Variants in CTBP2 observed in about 807,000 individuals in gnomAD.
The protein encoded by CTBP2 is C-terminal binding protein 2.
A neutral mutation model predicts 80.3 loss-of-function variants in CTBP2; 30 were observed. That is an observed-to-expected ratio of 0.37 (90% CI 0.28 to 0.51). The LOEUF is 0.51. CTBP2 is among the 20% of genes least tolerant of loss of function. The pLI is 0.93. For synonymous variants in CTBP2, 594 were observed against 587.4 expected (o/e 1.01, Z -0.16); for missense variants, 1,212 against 1,375.3 (o/e 0.88, Z 1.88).
chr10:125,094,779 C>T (rs1028865360), intron 2 of CTBP2, among the ~76,000 whole-genome samples: 8 of 152,168 alleles, frequency 5.3e-5, no homozygotes, highest in African/African-American at 1.9e-4. Flanking sequence ...AGTAGAAACT[C>T]CTGCCTTAAA....
intron 2 of CTBP2, among the ~76,000 whole-genome samples, chr10:125,102,828 G>A (rs938314384): frequency 6.6e-6 from 1 of 152,160 alleles, no homozygotes; most frequent in Admixed American, 6.5e-5. Flanking sequence ...GCTTTGTCTC[G>A]AGGGACCCAG....
intron 2 of CTBP2, among the ~76,000 whole-genome samples, chr10:125,064,065 A>T (rs901382347): frequency 1.3e-5 from 2 of 152,228 alleles, no homozygotes; most frequent in African/African-American, 4.8e-5. Context: ...TAAAAAAATA[A>T]ATCACTGCCA....
intron 1 of CTBP2, chr10:125,122,590 C>T (rs1008773289): frequency 3.3e-5 from 5 of 152,242 alleles, no homozygotes; most frequent in African/African-American, 1.2e-4. Context: ...AGCCCAAGGG[C>T]TGTTTCTTCA....
chr10:125,152,434 G>A (rs113735946), intron 1 of CTBP2, among the ~76,000 whole-genome samples: 1 of 152,222 alleles, frequency 6.6e-6, no homozygotes, highest in Non-Finnish European at 1.5e-5. Flanking sequence ...GGATCGCAGG[G>A]GTTCCAGGCG....
At position 124,987,384 on chromosome 10, in the gene CTBP2, T is replaced by C. The variant is rs1035782573; in HGVS notation, c.*2134A>G. 6.6e-6 allele frequency: 1 copy of C among 151,870 alleles called. No individual in the cohort carries two copies. Among genetic ancestry groups the C allele is most frequent in the Non-Finnish European group, 1.5e-5 (1 of 67,972 alleles). 9.4% of individuals were successfully genotyped at this position (151,870 alleles called of 1,614,324 possible). On this transcript the variant is annotated 3_prime_UTR_variant, in exon 9 of 9. Coordinates refer to ENST00000309035, the MANE Select transcript of CTBP2 (RefSeq NM_022802.3). The stretch of plus-strand genomic sequence containing the variant: ...AATTTATATATATATATATAAATTT[T>C]TGTTTGGGCGACCAAGATCTAATAA...
intron 1 of CTBP2, among the ~76,000 whole-genome samples, chr10:125,117,020 C>T (rs1036357508): frequency 1.3e-5 from 2 of 152,214 alleles, no homozygotes; most frequent in African/African-American, 4.8e-5. Context: ...CGCCTCCTTT[C>T]CTGCGTACCA....
Position 125,003,410 on chromosome 10 carries a change from C to T in CTBP2, c.1761G>A (p.Glu587=). 6.2e-7 allele frequency: 1 copy of T among 1,602,848 alleles called. No individual in the cohort carries two copies. Among genetic ancestry groups the T allele is most frequent in the Non-Finnish European group, 8.5e-7 (1 of 1,177,400 alleles). The change falls in exon 2 of 9, where the codon GAG becomes GAA. Residue 587 remains glutamate, a synonymous_variant. Transcript: ENST00000309035. ...TGGCCAGGTCCTTCAGGATGGGCAT[C>T]TCCACAGTGCAGTCGCGGCCGTCCA...
At chr10:125,123,934 G>A (rs7901224) in intron 1 of CTBP2, among the ~76,000 whole-genome samples, 6,851 of 152,286 alleles carry the variant, frequency 0.045, 392 homozygotes, top group African/African-American at 0.14. Flanking sequence ...ACCAGCCCCC[G>A]GGGCAGCTCT....
chr10:125,143,954 C>G (rs1315300747), intron 1 of CTBP2, among the ~76,000 whole-genome samples: 6 of 152,150 alleles, frequency 3.9e-5, no homozygotes, highest in Non-Finnish European at 7.3e-5. Context: ...GCCAATTAGT[C>G]AGGTCATAAT....
chr10:125,070,067 C>A (rs1845229724), intron 2 of CTBP2, among the ~76,000 whole-genome samples: 1 of 151,878 alleles, frequency 6.6e-6, no homozygotes. Context: ...ATGCATCATA[C>A]CGGCTGGGCA....
chr10:125,109,730 A>G (rs1038382674), intron 2 of CTBP2, among the ~76,000 whole-genome samples: 2 of 152,206 alleles, frequency 1.3e-5, no homozygotes, highest in Non-Finnish European at 2.9e-5. Flanking sequence ...CACTCCCAGG[A>G]AAGGGTTCTG....
At chr10:125,151,073 C>A (rs1859760752) in intron 1 of CTBP2, among the ~76,000 whole-genome samples, 1 of 152,072 alleles carries the variant, frequency 6.6e-6, no homozygotes, top group South Asian at 2.1e-4. Flanking sequence ...GAGCTAGTGC[C>A]AGACACTAAG....
At chr10:125,136,292 C>G (rs1443118651) in intron 1 of CTBP2, among the ~76,000 whole-genome samples, 2 of 152,310 alleles carry the variant, frequency 1.3e-5, no homozygotes, top group African/African-American at 2.4e-5. Context: ...AAAGGCCAGC[C>G]CTGACCTCAG....
intron 2 of CTBP2, among the ~76,000 whole-genome samples, chr10:125,107,038 TC>T (rs1484853764): frequency 6.6e-6 from 1 of 152,148 alleles, no homozygotes; most frequent in Non-Finnish European, 1.5e-5. Context: ...AATCAATGCC[TC>T]CCATTTATCC....
intron 2 of CTBP2, among the ~76,000 whole-genome samples, chr10:125,082,203 G>C (rs1847274436): frequency 6.6e-6 from 1 of 152,230 alleles, no homozygotes; most frequent in African/African-American, 2.4e-5. Flanking sequence ...GTCTCTGCAG[G>C]CCGGCTCCGG....
At chr10:125,091,960 T>C (rs1243526415) in intron 2 of CTBP2, among the ~76,000 whole-genome samples, 3 of 152,214 alleles carry the variant, frequency 2.0e-5, no homozygotes, top group Admixed American at 6.5e-5. Flanking sequence ...TATTGAAGCT[T>C]TTCATTTTAA....
chr10:124,994,072 T>C (rs1385788256), intron 5 of CTBP2, 87 bp from the exon 8 acceptor site: 1 of 1,556,400 alleles, frequency 6.4e-7, no homozygotes, highest in Non-Finnish European at 8.7e-7. Context: ...AGCTGCAAGC[T>C]AGTTTTGTTG....
At chr10:125,151,684 C>G (rs975040538) in intron 1 of CTBP2, among the ~76,000 whole-genome samples, 5 of 152,214 alleles carry the variant, frequency 3.3e-5, no homozygotes, top group African/African-American at 1.2e-4. Context: ...GCGGCTCTGG[C>G]CTGGTGCAAC....
intron 2 of CTBP2, among the ~76,000 whole-genome samples, chr10:125,067,813 G>A (rs76001223): frequency 0.013 from 1,965 of 152,280 alleles, 32 homozygotes; most frequent in African/African-American, 0.043. Flanking sequence ...CCATGGGCAG[G>A]GCCCATGGTG....
Sources: gnomAD v4.1 joint callset for allele counts (sites outside exome capture counted in the v4.1 genomes callset) on GRCh38, gnomAD v4.1.1 for gene constraint, MANE v1.5 for transcripts, NCBI Gene and HGNC (gene_info 2026-07-23, HGNC 2026-07-21) for gene names.